The following WWC2 variants were observed in gnomAD, a reference collection of about 807,000 sequenced individuals.
The protein encoded by WWC2 is protein WWC2.
In WWC2, 101 loss-of-function variants were observed where a neutral mutation model predicts 138.5. That is an observed-to-expected ratio of 0.73 (90% CI 0.62 to 0.86). WWC2 has a LOEUF of 0.86. WWC2 is among the 40% of genes least tolerant of loss of function. The pLI, the probability that WWC2 is intolerant of heterozygous loss-of-function variation, is 0.00. For missense variants in WWC2, 1,420 were observed against 1,419.4 expected (o/e 1.00, Z -0.01); for synonymous variants, 558 against 538.4 (o/e 1.04, Z -0.50).
rs958745419 is a variant in WWC2, at chr4:183,236,662, C to T, written c.523-3521C>T. ...GTCTCAATTATAGAAGTATGAAGTC[C>T]TTCTTAGGCCATATTTAGTTTGCTT... On this transcript the variant is annotated intron_variant, in intron 4 of 22. Transcript: ENST00000403733. Among the ~76,000 whole-genome samples, 7 of 152,138 alleles carry T rather than the reference C, an allele frequency of 4.6e-5. No individual in the cohort carries two copies. In the East Asian group the frequency reaches 9.7e-4, roughly 21 times the overall value.
intron 1 of WWC2, among the ~76,000 whole-genome samples, chr4:183,140,630 T>A (rs561002358): frequency 6.6e-6 from 1 of 152,016 alleles, no homozygotes; most frequent in East Asian, 1.9e-4. Flanking sequence ...TTAGCAAGTA[T>A]TTTTTTTACT....
chr4:183,166,344 C>G (rs1734128495), intron 1 of WWC2, among the ~76,000 whole-genome samples: 1 of 152,110 alleles, frequency 6.6e-6, no homozygotes, highest in African/African-American at 2.4e-5. Flanking sequence ...ATATAAATGT[C>G]ATGTCTGTCA....
intron 1 of WWC2, among the ~76,000 whole-genome samples, chr4:183,124,863 C>T: frequency 6.6e-6 from 1 of 152,132 alleles, no homozygotes; most frequent in East Asian, 1.9e-4. Context: ...TTATCTTGTA[C>T]TTACAGTTTT....
At chr4:183,169,132 A>G (rs1580007528) in intron 1 of WWC2, among the ~76,000 whole-genome samples, 1 of 152,230 alleles carries the variant, frequency 6.6e-6, no homozygotes, top group Non-Finnish European at 1.5e-5. Flanking sequence ...GCAGGCGTGA[A>G]CCACCACGCC....
At chr4:183,187,661 A>G (rs1476984313) in intron 1 of WWC2, among the ~76,000 whole-genome samples, 1 of 151,476 alleles carries the variant, frequency 6.6e-6, no homozygotes, top group Non-Finnish European at 1.5e-5. Flanking sequence ...ACCTGAGGTC[A>G]GGAGTTCGAG....
At chr4:183,312,220 C>T in intron 21 of WWC2, 121 bp from the exon 22 acceptor site, 1 of 1,354,138 alleles carries the variant, frequency 7.4e-7, no homozygotes, top group Non-Finnish European at 1.0e-6. Context: ...GACACCAGCC[C>T]ACTGGCTGCC....
chr4:183,258,968 T>A (rs17291317), intron 9 of WWC2, among the ~76,000 whole-genome samples: 1 of 62,896 alleles, frequency 1.6e-5, no homozygotes, highest in African/African-American at 6.0e-5. Context: ...GCTGTACTCT[T>A]AAAAAAAAGA....
At chr4:183,313,844 G>A (rs568296251) in intron 22 of WWC2, among the ~76,000 whole-genome samples, 11 of 150,008 alleles carry the variant, frequency 7.3e-5, no homozygotes, top group African/African-American at 2.5e-4. Flanking sequence ...AAGTACATCC[G>A]GGATCCCTGG....
At chr4:183,199,274 G>A (rs1358103538) in intron 2 of WWC2, among the ~76,000 whole-genome samples, 3 of 152,264 alleles carry the variant, frequency 2.0e-5, no homozygotes, top group Middle Eastern at 3.4e-3. Flanking sequence ...AACGGGCCAG[G>A]TTCTTTTGTC....
chr4:183,134,882 T>G (rs1208207687), intron 1 of WWC2, among the ~76,000 whole-genome samples: 1 of 152,200 alleles, frequency 6.6e-6, no homozygotes, highest in Non-Finnish European at 1.5e-5. Flanking sequence ...AGATGTGTCT[T>G]TTGAACATGA....
At chr4:183,126,133 CCTT>C (rs1202130768) in intron 1 of WWC2, among the ~76,000 whole-genome samples, 3 of 152,250 alleles carry the variant, frequency 2.0e-5, no homozygotes, top group Non-Finnish European at 4.4e-5. Flanking sequence ...ATTCTTTCCT[CCTT>C]CTGCAGACTC....
chr4:183,212,889 C>CTATAT (rs1215147904), intron 4 of WWC2, among the ~76,000 whole-genome samples: 1 of 151,922 alleles, frequency 6.6e-6, no homozygotes, highest in Non-Finnish European at 1.5e-5. Flanking sequence ...TATCAGAGGC[C>CTATAT]TATATTATAT....
intron 1 of WWC2, among the ~76,000 whole-genome samples, chr4:183,154,838 T>C (rs1733751500): frequency 6.6e-6 from 1 of 152,100 alleles, no homozygotes; most frequent in African/African-American, 2.4e-5. Context: ...CACCTGTGGG[T>C]TGGGCTCAGA....
chr4:183,239,426 G>A (rs764975187), intron 4 of WWC2, among the ~76,000 whole-genome samples: 5 of 152,146 alleles, frequency 3.3e-5, no homozygotes, highest in Non-Finnish European at 5.9e-5. Context: ...TAAACCAGGC[G>A]TGTGCTGCTT....
At chr4:183,290,170 T>A (rs1738398866) in intron 21 of WWC2, among the ~76,000 whole-genome samples, 1 of 152,128 alleles carries the variant, frequency 6.6e-6, no homozygotes, top group Admixed American at 6.5e-5. Context: ...CTCCCTTACC[T>A]TTCACCCTAC....
At chr4:183,250,975 T>C (rs1473384869) in intron 8 of WWC2, among the ~76,000 whole-genome samples, 1 of 152,230 alleles carries the variant, frequency 6.6e-6, no homozygotes, top group African/African-American at 2.4e-5. Context: ...CACCTCTATG[T>C]AACCTGTATT....
At chr4:183,210,887 A>G (rs1009831405) in intron 4 of WWC2, among the ~76,000 whole-genome samples, 1 of 152,230 alleles carries the variant, frequency 6.6e-6, no homozygotes, top group Non-Finnish European at 1.5e-5. Flanking sequence ...ATACCGTCTT[A>G]TATGCAGGGA....
At position 183,245,493 on chromosome 4, in the gene WWC2, C is replaced by CT; in HGVS notation, c.681dup (p.Ile228TyrfsTer6). Reference sequence around the variant, plus strand: ...AAAGCCATTCTAACAGAACTAAAATCTATCAGAAAGGCAATTAGCTCAGGA... The same window carrying CT: ...AAAGCCATTCTAACAGAACTAAAATCTTATCAGAAAGGCAATTAGCTCAGGA... On this transcript the variant is annotated frameshift_variant, in exon 6 of 23. Transcript: ENST00000403733. LOFTEE classifies it high-confidence loss of function. 1 of 1,608,094 alleles carries CT rather than the reference C, an allele frequency of 6.2e-7. No individual in the cohort carries two copies. The highest frequency in any genetic ancestry group is 2.3e-5 in the East Asian group (1 of 44,334).
Position 183,249,937 on chromosome 4 carries a change from A to G in WWC2, c.897A>G (p.Arg299=). 6.2e-7 allele frequency: 1 copy of G among 1,613,700 alleles called. No individual in the cohort carries two copies. Among genetic ancestry groups the G allele is most frequent in the South Asian group, 1.1e-5 (1 of 90,962 alleles). Residue 299 remains arginine (R), a synonymous_variant, in exon 8 of 23, where the codon AGA becomes AGG. Transcript: ENST00000403733. ...TCCACTAGATTGGAGTAAGAAGTAG[A>G]TCAAATTTAGCTGAAAAGGTCAGGC... ...SISGDIGVRS[R]SNLAEKVRLS...
Sources: allele counts gnomAD v4.1 joint callset (sites outside exome capture counted in the v4.1 genomes callset), GRCh38; gene constraint gnomAD v4.1.1; transcripts MANE v1.5; gene names NCBI Gene and HGNC (gene_info 2026-07-23, HGNC 2026-07-21).